GRSF1: variants seen among roughly 807,000 people sequenced by gnomAD.
GRSF1 encodes the protein G-rich sequence factor 1.
GRSF1 carries 50 observed loss-of-function variants against 51.1 expected under a neutral mutation model. That is an observed-to-expected ratio of 0.98 (90% CI 0.78 to 1.24). The LOEUF (loss-of-function observed/expected upper bound fraction) is 1.24. GRSF1 is among the 50% of genes most tolerant of loss of function. GRSF1 has a pLI of 0.00. For synonymous variants in GRSF1, 293 were observed against 253.3 expected (o/e 1.16, Z -1.49); for missense variants, 700 against 639.7 (o/e 1.09, Z -1.02).
At chr4:70,828,606 T>C (rs1347589945) in intron 5 of GRSF1, among the ~76,000 whole-genome samples, 1 of 152,118 alleles carries the variant, frequency 6.6e-6, no homozygotes, top group African/African-American at 2.4e-5. Context: ...TTTCTTGCTG[T>C]CACCCAAGAT....
chr4:70,841,829 T>A (rs984205582), upstream of GRSF1, among the ~76,000 whole-genome samples: 4 of 152,192 alleles, frequency 2.6e-5, no homozygotes, highest in African/African-American at 9.7e-5. Context: ...TAGTTTTGTT[T>A]TTTGGGCTAA....
intron 5 of GRSF1, among the ~76,000 whole-genome samples, chr4:70,830,791 C>A (rs58015155): frequency 0.027 from 4,057 of 151,856 alleles, 79 homozygotes; most frequent in Middle Eastern, 0.054. Flanking sequence ...CCACCGCACT[C>A]CAGCCTAGGC....
upstream of GRSF1, among the ~76,000 whole-genome samples, chr4:70,841,058 G>A (rs2148850435): frequency 6.6e-6 from 1 of 152,268 alleles, no homozygotes; most frequent in South Asian, 2.1e-4. Flanking sequence ...CGCTTTGGGA[G>A]GCTGAAGTGA....
intron 1 of GRSF1, chr4:70,838,792 C>G (rs1734331354): frequency 5.3e-6 from 1 of 188,142 alleles, no homozygotes; most frequent in African/African-American, 2.4e-5. Context: ...AACGCTCCCT[C>G]CCATTCACCC....
At position 70,839,792 on chromosome 4, in the gene GRSF1, G is replaced by C; in HGVS notation, c.36C>G (p.Leu12=). Residue 12 remains leucine, a synonymous_variant, in exon 1 of 10, where the codon CTC becomes CTG. Transcript: ENST00000254799. ...TGCTGCAGTTACAGCCGCAGCCCCG[G>C]AGCAGCGCCCCGAGTACCCAGCGCG... The part of the protein sequence containing the change: ...AGTRWVLGAL[L]RGCGCNCSSC... 1 of 1,505,510 alleles carries C rather than the reference G, an allele frequency of 6.6e-7. No homozygotes were observed. The highest frequency in any genetic ancestry group is 1.4e-5 in the African/African-American group (1 of 69,226). The allele number at this position is 1,505,510 out of a possible 1,614,324, so 93.3% of individuals were successfully genotyped here.
intron 3 of GRSF1, 147 bp downstream of exon 3, chr4:70,832,971 T>A: frequency 1.4e-6 from 1 of 713,806 alleles, no homozygotes; most frequent in South Asian, 2.4e-5. Context: ...AGAAACTTTA[T>A]CTCTTTATGT....
chr4:70,841,757 G>A (rs534520092), upstream of GRSF1, among the ~76,000 whole-genome samples: 159 of 152,064 alleles, frequency 1.0e-3, no homozygotes, highest in African/African-American at 3.7e-3. Context: ...AAAAAACAAA[G>A]AACAAGAAAA....
In GRSF1 at chr4:70,818,170, C is replaced by T. The variant is rs1201477939; in HGVS notation, c.*2717G>A. 6.6e-6 allele frequency: 1 copy of T among 152,296 alleles called. No homozygotes were observed. Among genetic ancestry groups the T allele is most frequent in the Non-Finnish European group, 1.5e-5 (1 of 68,138 alleles). The allele number at this position is 152,296 out of a possible 1,614,324, so 9.4% of individuals were successfully genotyped here. On this transcript the variant is annotated 3_prime_UTR_variant, in exon 10 of 10. Coordinates refer to ENST00000254799, the MANE Select transcript of GRSF1 (RefSeq NM_002092.4). Reference sequence around the variant, plus strand: ...TCTCCTGCCTTGGCCTCCCAAGTAACTGGGATTACAGGCGTGTGCCACACC... The same window carrying T: ...TCTCCTGCCTTGGCCTCCCAAGTAATTGGGATTACAGGCGTGTGCCACACC...
chr4:70,836,169 T>G lies in GRSF1; in HGVS notation c.503A>C (p.Asn168Thr), dbSNP rs1482002149. The G allele has an allele frequency of 2.6e-6, 4 of 1,534,670 alleles. No individual in the cohort carries two copies. Among genetic ancestry groups the G allele is most frequent in the Non-Finnish European group, 3.5e-6 (4 of 1,147,278 alleles). Residue 168 changes from asparagine (N) to threonine (T), a missense_variant, in exon 2 of 10, where the codon AAC becomes ACC. Transcript: ENST00000254799. ...PWSCTMEDVL[N>T]FFSDCRIRNG... ...TACATAAAATATACCTGAAAAAAAGTTAAGCACATCTTCCATAGTGCATGA... is the reference window on the plus strand; with the variant it reads ...TACATAAAATATACCTGAAAAAAAGGTAAGCACATCTTCCATAGTGCATGA...
At chr4:70,825,566 C>T (rs6813986) in intron 7 of GRSF1, 135 bp from the exon 8 acceptor site, 15,275 of 579,786 alleles carry the variant, frequency 0.026, 738 homozygotes, top group African/African-American at 0.15. Context: ...TCTTTTTAAG[C>T]AGTAATATAT....
At chr4:70,840,846 G>A (rs925339055), upstream of GRSF1, among the ~76,000 whole-genome samples, 19 of 152,198 alleles carry the variant, frequency 1.2e-4, no homozygotes, top group South Asian at 8.3e-4. Context: ...GTGCTGCCCT[G>A]CGCTGTGCCA....
rs561823812 is a variant in GRSF1 at position 70,817,522 on chromosome 4, A to G, written c.*3365T>C. ...AATGATGATATAAGGATGGCAGATT[A>G]AGTATATGAAAAGGTGCTCCACATC... On this transcript the variant is annotated 3_prime_UTR_variant, in exon 10 of 10. Coordinates refer to ENST00000254799, the MANE Select transcript of GRSF1 (RefSeq NM_002092.4). The G allele has an allele frequency of 1.2e-4, 18 of 152,376 alleles. No homozygotes were observed. The East Asian group carries it at 2.9e-3, about 24-fold the overall frequency. 9.4% of individuals were successfully genotyped at this position (152,376 alleles called of 1,614,324 possible).
At chr4:70,836,683 A>G (rs921305603) in intron 1 of GRSF1, among the ~76,000 whole-genome samples, 5 of 152,198 alleles carry the variant, frequency 3.3e-5, no homozygotes, top group African/African-American at 9.6e-5. Context: ...ATAGCTATCT[A>G]GAATACGATA....
At chr4:70,828,945 G>C (rs1733847770) in intron 5 of GRSF1, among the ~76,000 whole-genome samples, 1 of 151,782 alleles carries the variant, frequency 6.6e-6, no homozygotes, top group Non-Finnish European at 1.5e-5. Flanking sequence ...CACTATGTTG[G>C]CCAGGCTGGT....
chr4:70,838,252 G>C (rs1418807532), intron 1 of GRSF1, among the ~76,000 whole-genome samples: 1 of 142,530 alleles, frequency 7.0e-6, no homozygotes, highest in African/African-American at 2.6e-5. Flanking sequence ...TTAATGTTTA[G>C]TTTTAAGGAA....
At chr4:70,838,995 T>G in intron 1 of GRSF1, 1 of 467,076 alleles carries the variant, frequency 2.1e-6, no homozygotes, top group South Asian at 2.0e-5. Flanking sequence ...CCCACGCAAC[T>G]GTGTGCGCGC....
intron 1 of GRSF1, among the ~76,000 whole-genome samples, chr4:70,838,381 TG>T (rs1046438801): frequency 6.6e-6 from 1 of 152,146 alleles, no homozygotes; most frequent in African/African-American, 2.4e-5. Context: ...GGTTTTGTTG[TG>T]GTTTTTGTAG....
In GRSF1 at chr4:70,839,260, A is replaced by C; in HGVS notation, c.357+211T>G. 11 of 1,477,588 alleles carry C rather than the reference A, an allele frequency of 7.4e-6. No homozygotes were observed. In the East Asian group the frequency reaches 8.5e-5, roughly 11 times the overall value. 91.5% of individuals were successfully genotyped at this position (1,477,588 alleles called of 1,614,324 possible). A position where few individuals can be genotyped will look rare whatever the true frequency, so the allele number is the denominator to read the frequency against. ...AACCGACCAGAGACTCGAGGCGAGA[A>C]CAAAACAAGCAGAAGACCCGACGCC... On this transcript the variant is annotated intron_variant, in intron 1 of 9. Coordinates refer to ENST00000254799, the MANE Select transcript of GRSF1 (RefSeq NM_002092.4).
chr4:70,836,049 A>T, intron 2 of GRSF1, 109 bp downstream of exon 2: 1 of 577,194 alleles, frequency 1.7e-6, no homozygotes, highest in Non-Finnish European at 2.9e-6. Flanking sequence ...ATGGATTTGT[A>T]GCACTACCTT....
Sources: gnomAD v4.1 joint callset for allele counts (sites outside exome capture counted in the v4.1 genomes callset) on GRCh38, gnomAD v4.1.1 for gene constraint, MANE v1.5 for transcripts, NCBI Gene and HGNC (gene_info 2026-07-23, HGNC 2026-07-21) for gene names.